The following IMMP2L variants were observed in gnomAD, a reference collection of about 807,000 sequenced individuals.
IMMP2L encodes the protein mitochondrial inner membrane protease subunit 2.
Under a neutral mutation model 19.3 loss-of-function variants are expected in IMMP2L, and 18 were observed. The ratio of observed to expected loss-of-function variants is 0.93; its 90% confidence interval spans 0.64 to 1.38. IMMP2L has a LOEUF of 1.38. Among genes scored for constraint, IMMP2L ranks in the 40% most tolerant of loss-of-function variants. The pLI is 0.00. For missense variants in IMMP2L, 233 were observed against 218.2 expected (o/e 1.07, Z -0.43); for synonymous variants, 76 against 73.0 (o/e 1.04, Z -0.21).
intron 5 of IMMP2L, among the ~76,000 whole-genome samples, chr7:110,675,337 C>T (rs922343858): frequency 6.6e-6 from 1 of 152,062 alleles, no homozygotes; most frequent in African/African-American, 2.4e-5. Context: ...AAAATGAGCA[C>T]AGTAGTGGCT....
chr7:111,371,354 C>G lies in IMMP2L; in HGVS notation c.239+115884G>C, dbSNP rs535767607. Among the ~76,000 whole-genome samples, 4 of 152,148 alleles carry G rather than the reference C, an allele frequency of 2.6e-5. No individual in the cohort carries two copies. The South Asian group carries it at 6.2e-4, about 24-fold the overall frequency. On this transcript the variant is annotated intron_variant, in intron 3 of 5. Transcript: ENST00000405709. ...TTGCATCTTTCTATTAATTGCATCC[C>G]TTTCTTAGAAAAGAAGATCTTACTG...
At chr7:110,935,877 G>C (rs1472617347) in intron 4 of IMMP2L, among the ~76,000 whole-genome samples, 3 of 151,926 alleles carry the variant, frequency 2.0e-5, no homozygotes, top group Admixed American at 1.3e-4. Context: ...CAGAACCGAG[G>C]CCTCAGAAAT....
chr7:111,142,582 G>A lies in IMMP2L; in HGVS notation c.240-179017C>T, dbSNP rs538120982. The stretch of plus-strand genomic sequence containing the variant: ...CAGATCACTACAATTAACACCTATC[G>A]TGAATTTACAGGGATTCAGGTAGAA... On this transcript the variant is annotated intron_variant, in intron 3 of 5. Transcript: ENST00000405709. Among the ~76,000 whole-genome samples, 7 of 152,060 alleles carry A rather than the reference G, an allele frequency of 4.6e-5. No individual in the cohort carries two copies. In the South Asian group the frequency reaches 1.5e-3, roughly 32 times the overall value.
intron 5 of IMMP2L, among the ~76,000 whole-genome samples, chr7:110,705,175 C>A (rs73208733): frequency 0.039 from 5,858 of 152,128 alleles, 142 homozygotes; most frequent in Middle Eastern, 0.096. Context: ...CTATAAATGT[C>A]TTTCATTCAT....
At chr7:110,732,976 G>A (rs1249296188) in intron 5 of IMMP2L, among the ~76,000 whole-genome samples, 1 of 151,976 alleles carries the variant, frequency 6.6e-6, no homozygotes, top group Non-Finnish European at 1.5e-5. Flanking sequence ...TCTGTAGAGA[G>A]GGGGTCTCAC....
chr7:111,089,802 T>C (rs1796663959), intron 3 of IMMP2L, among the ~76,000 whole-genome samples: 1 of 152,076 alleles, frequency 6.6e-6, no homozygotes, highest in African/African-American at 2.4e-5. Flanking sequence ...TTGGGAACTG[T>C]TTCTAGAAAA....
At chr7:111,056,611 C>T (rs1793533210) in intron 3 of IMMP2L, among the ~76,000 whole-genome samples, 1 of 152,170 alleles carries the variant, frequency 6.6e-6, no homozygotes, top group African/African-American at 2.4e-5. Context: ...TTTTGACTCC[C>T]TCTAAAATTT....
In IMMP2L at chr7:111,346,786, A is replaced by C. The variant is rs569109325; in HGVS notation, c.239+140452T>G. On this transcript the variant is annotated intron_variant, in intron 3 of 5. Transcript: ENST00000405709. ...CTGACAGTACTTGGTGATGCTTTAG[A>C]TTTGTAAGCTGTGGTATAGCAGTGA... Among the ~76,000 whole-genome samples, 3 of 152,266 alleles carry C rather than the reference A, an allele frequency of 2.0e-5. No homozygotes were observed. In the South Asian group the frequency reaches 6.2e-4, roughly 32 times the overall value.
At chr7:110,817,007 T>C (rs1802586024) in intron 5 of IMMP2L, among the ~76,000 whole-genome samples, 2 of 152,176 alleles carry the variant, frequency 1.3e-5, no homozygotes, top group South Asian at 4.1e-4. Context: ...GGTCCTGTCA[T>C]TATGATGTTA....
chr7:111,291,103 C>G (rs1821056298), intron 3 of IMMP2L, among the ~76,000 whole-genome samples: 1 of 152,120 alleles, frequency 6.6e-6, no homozygotes, highest in Non-Finnish European at 1.5e-5. Context: ...CCCTTAAAAT[C>G]CAAATGAGGC....
intron 3 of IMMP2L, among the ~76,000 whole-genome samples, chr7:111,026,188 T>C (rs1217400055): frequency 6.6e-6 from 1 of 152,186 alleles, no homozygotes. Flanking sequence ...TTCATTCTAC[T>C]ACATTGTATA....
chr7:110,995,381 C>A (rs1822924151), intron 3 of IMMP2L, among the ~76,000 whole-genome samples: 1 of 152,074 alleles, frequency 6.6e-6, no homozygotes, highest in Non-Finnish European at 1.5e-5. Flanking sequence ...ATTTATTGAT[C>A]ATATTTGTGT....
chr7:111,209,694 A>G (rs1391814407), intron 3 of IMMP2L, among the ~76,000 whole-genome samples: 1 of 152,176 alleles, frequency 6.6e-6, no homozygotes. Flanking sequence ...GTCTCTAAAG[A>G]GACTGATCAC....
chr7:111,142,393 T>C (rs1312358454), intron 3 of IMMP2L, among the ~76,000 whole-genome samples: 1 of 150,282 alleles, frequency 6.7e-6, no homozygotes, highest in South Asian at 2.1e-4. Context: ...TAATTTGAAG[T>C]AAGAAACCCA....
At chr7:110,931,052 A>G (rs558433511) in intron 4 of IMMP2L, among the ~76,000 whole-genome samples, 2 of 152,252 alleles carry the variant, frequency 1.3e-5, no homozygotes, top group South Asian at 4.1e-4. Flanking sequence ...TGAGGACAGG[A>G]GTGAGAGTTA....
chr7:111,240,113 C>G (rs1043375141), intron 3 of IMMP2L, among the ~76,000 whole-genome samples: 3 of 151,790 alleles, frequency 2.0e-5, no homozygotes, highest in Non-Finnish European at 4.4e-5. Context: ...AGTAGCAGCT[C>G]TTAAGGAAAC....
At chr7:111,442,775 C>T (rs1318759808) in intron 3 of IMMP2L, among the ~76,000 whole-genome samples, 2 of 151,862 alleles carry the variant, frequency 1.3e-5, no homozygotes, top group Non-Finnish European at 1.5e-5. Flanking sequence ...TTCTCTGTTA[C>T]GAGGTCCTTT....
At chr7:111,020,201 T>C (rs140959088) in intron 3 of IMMP2L, among the ~76,000 whole-genome samples, 3 of 150,106 alleles carry the variant, frequency 2.0e-5, no homozygotes, top group Middle Eastern at 3.4e-3. Context: ...CTGGACAACA[T>C]AGTGAAACCT....
At chr7:110,759,719 A>G (rs972365042) in intron 5 of IMMP2L, among the ~76,000 whole-genome samples, 1 of 152,136 alleles carries the variant, frequency 6.6e-6, no homozygotes, top group Non-Finnish European at 1.5e-5. Flanking sequence ...AAGAAAGTAT[A>G]TACATGCCCT....
Sources: gnomAD v4.1 joint callset for allele counts (sites outside exome capture counted in the v4.1 genomes callset) on GRCh38, gnomAD v4.1.1 for gene constraint, MANE v1.5 for transcripts, NCBI Gene and HGNC (gene_info 2026-07-23, HGNC 2026-07-21) for gene names.